GPATCH2: variants seen among roughly 807,000 people sequenced by gnomAD.
GPATCH2 encodes G-patch domain containing 2.
GPATCH2 carries 51 observed loss-of-function variants against 58.0 expected under a neutral mutation model. The observed-to-expected ratio is 0.88, with a 90% CI of 0.70 to 1.11. The LOEUF is 1.11. GPATCH2 is among the 50% of genes most tolerant of loss of function. GPATCH2 has a pLI of 0.00. For missense variants in GPATCH2, 625 were observed against 652.2 expected (o/e 0.96, Z 0.45); for synonymous variants, 222 against 218.5 (o/e 1.02, Z -0.14).
At chr1:217,451,258 A>C (rs889869675) in intron 8 of GPATCH2, among the ~76,000 whole-genome samples, 1 of 152,158 alleles carries the variant, frequency 6.6e-6, no homozygotes, top group African/African-American at 2.4e-5. Flanking sequence ...CCATGGAAAA[A>C]CTATGCTTTC....
At chr1:217,475,162 G>A (rs1337393328) in intron 8 of GPATCH2, among the ~76,000 whole-genome samples, 6 of 152,272 alleles carry the variant, frequency 3.9e-5, no homozygotes, top group Admixed American at 1.3e-4. Flanking sequence ...GAGAAGGCTC[G>A]GCGCGGTGGC....
intron 3 of GPATCH2, among the ~76,000 whole-genome samples, chr1:217,612,445 T>C (rs1481773184): frequency 6.6e-6 from 1 of 152,154 alleles, no homozygotes; most frequent in African/African-American, 2.4e-5. Flanking sequence ...TTATGAGAAA[T>C]AGCTATATTT....
chr1:217,572,261 C>G (rs1182100441), intron 5 of GPATCH2, among the ~76,000 whole-genome samples: 1 of 152,060 alleles, frequency 6.6e-6, no homozygotes, highest in Non-Finnish European at 1.5e-5. Flanking sequence ...GGGAATCTAA[C>G]TTATTCTGTG....
chr1:217,573,677 C>A (rs1012755897), intron 5 of GPATCH2, among the ~76,000 whole-genome samples: 1 of 152,204 alleles, frequency 6.6e-6, no homozygotes, highest in Non-Finnish European at 1.5e-5. Context: ...CTAAACTTTA[C>A]GAGTCAGATA....
intron 5 of GPATCH2, among the ~76,000 whole-genome samples, chr1:217,528,010 A>G (rs538316008): frequency 6.6e-6 from 1 of 152,316 alleles, no homozygotes; most frequent in Non-Finnish European, 1.5e-5. Context: ...TTTGGAGGAG[A>G]TGAGACTTAT....
At chr1:217,458,487 C>G (rs1660059016) in intron 8 of GPATCH2, among the ~76,000 whole-genome samples, 1 of 152,118 alleles carries the variant, frequency 6.6e-6, no homozygotes, top group South Asian at 2.1e-4. Context: ...TGAAGACATT[C>G]TCACATCTGG....
At chr1:217,609,794 A>G (rs1323662187) in intron 5 of GPATCH2, 1 of 977,548 alleles carries the variant, frequency 1.0e-6, no homozygotes, top group African/African-American at 1.7e-5. Context: ...CAATATAAAC[A>G]TTAAGGAATA....
intron 1 of GPATCH2, among the ~76,000 whole-genome samples, chr1:217,621,051 C>G (rs1318753524): frequency 1.3e-5 from 2 of 152,210 alleles, no homozygotes; most frequent in Non-Finnish European, 2.9e-5. Context: ...TTAGGCCACA[C>G]TAATCTCTTA....
intron 1 of GPATCH2, among the ~76,000 whole-genome samples, chr1:217,622,725 A>G (rs1669257903): frequency 6.6e-6 from 1 of 152,186 alleles, no homozygotes; most frequent in South Asian, 2.1e-4. Context: ...TGTATTTTTT[A>G]GTAGAGACAG....
intron 5 of GPATCH2, among the ~76,000 whole-genome samples, chr1:217,557,304 A>G (rs1665686249): frequency 6.6e-6 from 1 of 150,864 alleles, no homozygotes; most frequent in African/African-American, 2.4e-5. Context: ...CTATTCAGGT[A>G]GCTTGGGCAG....
At chr1:217,504,326 C>T (rs1213190997) in intron 6 of GPATCH2, among the ~76,000 whole-genome samples, 1 of 152,122 alleles carries the variant, frequency 6.6e-6, no homozygotes. Context: ...TTGAACTCAC[C>T]CTGGCAGATT....
chr1:217,535,252 T>A (rs932646067), intron 5 of GPATCH2, among the ~76,000 whole-genome samples: 6 of 152,270 alleles, frequency 3.9e-5, no homozygotes, highest in Non-Finnish European at 8.8e-5. Flanking sequence ...TAAATTCCTC[T>A]GTATTAGACT....
At chr1:217,479,691 A>G (rs1453820493) in intron 8 of GPATCH2, among the ~76,000 whole-genome samples, 3 of 152,226 alleles carry the variant, frequency 2.0e-5, no homozygotes, top group Admixed American at 6.5e-5. Context: ...TAAATGGACT[A>G]AACTCTCCAG....
At chr1:217,513,413 CTA>C (rs1662953196) in intron 6 of GPATCH2, among the ~76,000 whole-genome samples, 1 of 152,114 alleles carries the variant, frequency 6.6e-6, no homozygotes, top group African/African-American at 2.4e-5. Context: ...ACAATAATCT[CTA>C]TTTTATATTT....
At chr1:217,439,187 C>G (rs1229987589) in intron 9 of GPATCH2, among the ~76,000 whole-genome samples, 1 of 152,214 alleles carries the variant, frequency 6.6e-6, no homozygotes, top group Non-Finnish European at 1.5e-5. Flanking sequence ...ACAGTGCAAT[C>G]AGACTAGAAC....
Position 217,491,698 on chromosome 1 carries a change from G to T in GPATCH2, c.1259C>A (p.Ser420Tyr). 6.6e-7 allele frequency: 1 copy of T among 1,517,490 alleles called. No individual in the cohort carries two copies. Among genetic ancestry groups the T allele is most frequent in the Non-Finnish European group, 9.1e-7 (1 of 1,102,556 alleles). The allele number at this position is 1,517,490 out of a possible 1,614,324, so 94.0% of individuals were successfully genotyped here. The change falls in exon 8 of 10, where the codon TCT (serine) becomes TAT (tyrosine). Residue 420 changes from serine to tyrosine, a missense_variant. By Grantham distance (144) the Ser-to-Tyr change is moderately radical (BLOSUM62 -2). Transcript: ENST00000366935. Reference protein sequence around the residue: ...RAERGHKKNCSVRTASRQTSM... With the variant: ...RAERGHKKNCYVRTASRQTSM... ...TGCTTACCTGCTGGCTGTTCTCACA[G>T]AACAATTTTTCTTGTGTCCTCTTTC...
chr1:217,438,005 G>A (rs760696012), intron 9 of GPATCH2, among the ~76,000 whole-genome samples: 1 of 152,192 alleles, frequency 6.6e-6, no homozygotes, highest in Non-Finnish European at 1.5e-5. Flanking sequence ...CATCTGGCGG[G>A]TGCCCCTCTG....
At chr1:217,555,386 T>A (rs1665569290) in intron 5 of GPATCH2, among the ~76,000 whole-genome samples, 1 of 152,188 alleles carries the variant, frequency 6.6e-6, no homozygotes, top group Non-Finnish European at 1.5e-5. Flanking sequence ...TGGTTTCATA[T>A]ACACACTATT....
At chr1:217,624,228 C>T (rs1250580092) in intron 1 of GPATCH2, among the ~76,000 whole-genome samples, 1 of 151,944 alleles carries the variant, frequency 6.6e-6, no homozygotes, top group African/African-American at 2.4e-5. Flanking sequence ...TCAGTTAAAA[C>T]TGGCATCGGC....
Sources: gnomAD v4.1 joint callset for allele counts (sites outside exome capture counted in the v4.1 genomes callset) on GRCh38, gnomAD v4.1.1 for gene constraint, MANE v1.5 for transcripts, NCBI Gene and HGNC (gene_info 2026-07-23, HGNC 2026-07-21) for gene names.